The following SPATA6 variants were observed in gnomAD, a reference collection of about 807,000 sequenced individuals.
The protein encoded by SPATA6 is spermatogenesis associated 6, also known as spermatogenesis-associated protein 6.
A neutral mutation model predicts 65.3 loss-of-function variants in SPATA6; 56 were observed. That is an observed-to-expected ratio of 0.86 (90% confidence interval 0.69 to 1.07). The LOEUF (loss-of-function observed/expected upper bound fraction) is 1.07, where lower values mean the gene tolerates loss of function less well. Among genes scored for constraint, SPATA6 ranks in the 50% least tolerant of loss-of-function variants. The pLI is 0.00. For missense variants in SPATA6, 590 were observed against 594.8 expected, an observed-to-expected ratio of 0.99 and a Z score of 0.08; for synonymous variants, 199 against 213.2, an observed-to-expected ratio of 0.93 and a Z score of 0.58.
At chr1:48,348,110 G>A (rs1435753787) in intron 11 of SPATA6, among the ~76,000 whole-genome samples, 1 of 151,858 alleles carries the variant, frequency 6.6e-6, no homozygotes, top group East Asian at 1.9e-4. Context: ...AGCTTTTGCG[G>A]GCAGTGGGCA....
intron 11 of SPATA6, among the ~76,000 whole-genome samples, chr1:48,354,096 G>A (rs914077864): frequency 3.3e-5 from 5 of 151,974 alleles, no homozygotes; most frequent in African/African-American, 9.7e-5. Context: ...TATCCCAATG[G>A]CCAATAAGAA....
At chr1:48,326,219 T>C (rs1645755840) in intron 11 of SPATA6, 1 of 152,218 alleles carries the variant, frequency 6.6e-6, no homozygotes, top group Non-Finnish European at 1.5e-5. Flanking sequence ...ACCAGTAACC[T>C]TCAGAGAGCC....
chr1:48,398,471 T>C (rs1434211012), intron 7 of SPATA6, among the ~76,000 whole-genome samples: 1 of 151,700 alleles, frequency 6.6e-6, no homozygotes, highest in Non-Finnish European at 1.5e-5. Context: ...CATTTTACAA[T>C]TTAGAAAAAA....
chr1:48,347,251 C>G (rs981282116), intron 11 of SPATA6, among the ~76,000 whole-genome samples: 2 of 151,744 alleles, frequency 1.3e-5, no homozygotes, highest in African/African-American at 4.8e-5. Flanking sequence ...GCTGCGATGA[C>G]TGGCAAGCCA....
intron 10 of SPATA6, among the ~76,000 whole-genome samples, chr1:48,358,295 A>G (rs1646712792): frequency 6.6e-6 from 1 of 152,152 alleles, no homozygotes; most frequent in Non-Finnish European, 1.5e-5. Flanking sequence ...TTACAATTGG[A>G]GAGTTCTGCA....
rs41301259 is a variant in SPATA6, at chr1:48,385,370, C to T, written c.869-21G>A. 846 of 1,600,574 alleles carry T rather than the reference C, an allele frequency of 5.3e-4. 3 individuals carry two copies. The highest frequency in any genetic ancestry group is 6.1e-4 in the Non-Finnish European group (718 of 1,175,100). On this transcript the variant is annotated intron_variant, in intron 8 of 12. Transcript: ENST00000371847. ...ATGATCTGAAAAAGGAAGTACAAAA[C>T]AATTAAAGTTTAAATTTGGTTTCAT...
At chr1:48,271,013 C>A in the SPATA6 span, among the ~76,000 whole-genome samples, 2,487 of 152,190 alleles carry the variant, frequency 0.016, 81 homozygotes, top group African/African-American at 0.057. Flanking sequence ...ATTATTCAAT[C>A]TTTGAGTCAA....
the SPATA6 span, among the ~76,000 whole-genome samples, chr1:48,283,407 G>A: frequency 2.9e-4 from 44 of 151,328 alleles, no homozygotes; most frequent in East Asian, 5.8e-4. Context: ...TTGGCTGGGC[G>A]CAGTGGCTCA....
Position 48,296,499 on chromosome 1 carries a change from G to A in SPATA6, c.*2214C>T, listed in dbSNP as rs1569954537. On this transcript the variant is annotated 3_prime_UTR_variant, in exon 13 of 13. Coordinates refer to ENST00000371847, the MANE Select transcript of SPATA6 (RefSeq NM_019073.4). The stretch of plus-strand genomic sequence containing the variant: ...TTCACAGCCAATGGCAGATACAGGT[G>A]CAATAAGTAATTTCTGTGGTACTTA... 6.6e-6 allele frequency: 1 copy of A among 152,148 alleles called. No individual in the cohort carries two copies. The highest frequency in any genetic ancestry group is 1.5e-5 in the Non-Finnish European group (1 of 68,034). 9.4% of individuals were successfully genotyped at this position (152,148 alleles called of 1,614,324 possible).
chr1:48,451,771 T>C (rs541993825), intron 2 of SPATA6, among the ~76,000 whole-genome samples, 171 bp from the exon 3 acceptor site: 33 of 152,330 alleles, frequency 2.2e-4, no homozygotes, highest in Middle Eastern at 3.4e-3. Flanking sequence ...ATAACCTTTA[T>C]AGCTTGTGCT....
intron 3 of SPATA6, among the ~76,000 whole-genome samples, chr1:48,432,556 G>T (rs1236286756): frequency 6.6e-6 from 1 of 152,070 alleles, no homozygotes; most frequent in Non-Finnish European, 1.5e-5. Context: ...TAATAATTAG[G>T]AAAATGCAAA....
chr1:48,349,540 A>C (rs1433796108), intron 11 of SPATA6, among the ~76,000 whole-genome samples: 2 of 151,902 alleles, frequency 1.3e-5, no homozygotes, highest in Non-Finnish European at 2.9e-5. Context: ...GTTAACTCTG[A>C]TGTACATATC....
chr1:48,435,947 G>A (rs1654898297), intron 3 of SPATA6: 2 of 1,584,644 alleles, frequency 1.3e-6, no homozygotes, highest in Non-Finnish European at 1.7e-6. Context: ...GTCACTTTCT[G>A]TGTGAACTAA....
intron 3 of SPATA6, among the ~76,000 whole-genome samples, chr1:48,421,198 A>C (rs1653298591): frequency 6.6e-6 from 1 of 152,170 alleles, no homozygotes; most frequent in Non-Finnish European, 1.5e-5. Context: ...AGGCCTCTGA[A>C]TAGTCTCAGC....
intron 5 of SPATA6, among the ~76,000 whole-genome samples, chr1:48,407,610 G>A (rs968019882): frequency 1.3e-5 from 2 of 152,132 alleles, no homozygotes; most frequent in African/African-American, 4.8e-5. Context: ...AGCATCCCAG[G>A]CAAGAATGTT....
chr1:48,460,119 T>C (rs927288527), intron 1 of SPATA6, among the ~76,000 whole-genome samples: 1 of 151,880 alleles, frequency 6.6e-6, no homozygotes, highest in Non-Finnish European at 1.5e-5. Context: ...TACAAGCAGG[T>C]GCCACCATGC....
At chr1:48,307,816 G>C (rs1439043920) in intron 11 of SPATA6, among the ~76,000 whole-genome samples, 1 of 151,546 alleles carries the variant, frequency 6.6e-6, no homozygotes, top group Non-Finnish European at 1.5e-5. Flanking sequence ...CTGATGGTTT[G>C]GCCCTGTTGC....
At chr1:48,445,446 G>A (rs548963540) in intron 3 of SPATA6, among the ~76,000 whole-genome samples, 3 of 152,112 alleles carry the variant, frequency 2.0e-5, no homozygotes, top group South Asian at 2.1e-4. Context: ...GGTGAATCAC[G>A]AGGTCAGATC....
the SPATA6 span, among the ~76,000 whole-genome samples, chr1:48,273,655 T>TG: frequency 6.6e-6 from 1 of 152,234 alleles, no homozygotes; most frequent in Non-Finnish European, 1.5e-5. Context: ...TCCATGTCCC[T>TG]GTAAAGGACA....
Sources: gnomAD v4.1 joint callset for allele counts (sites outside exome capture counted in the v4.1 genomes callset) on GRCh38, gnomAD v4.1.1 for gene constraint, MANE v1.5 for transcripts, NCBI Gene and HGNC (gene_info 2026-07-23, HGNC 2026-07-21) for gene names.